The following EYS variants were observed in gnomAD, a reference collection of about 807,000 sequenced individuals.
The protein encoded by EYS is EGF-like photoreceptor maintenance factor.
EYS carries 250 observed loss-of-function variants against 282.1 expected under a neutral mutation model. The observed-to-expected ratio is 0.89, with a 90% CI of 0.80 to 0.98. The LOEUF (loss-of-function observed/expected upper bound fraction) is 0.98. Among genes scored for constraint, EYS ranks in the 50% least tolerant of loss-of-function variants. The pLI is 0.00. For synonymous variants in EYS, 1,355 were observed against 1,282.9 expected (o/e 1.06, Z -1.20); for missense variants, 4,016 against 3,709.0 (o/e 1.08, Z -2.15).
intron 26 of EYS, among the ~76,000 whole-genome samples, chr6:64,498,276 G>C (rs10494883): frequency 0.3 from 45,348 of 151,652 alleles, 6,771 homozygotes; most frequent in East Asian, 0.47. Flanking sequence ...GATGAGAACA[G>C]GGAAGTACAG....
intron 15 of EYS, among the ~76,000 whole-genome samples, chr6:64,924,529 T>A (rs1480785231): frequency 6.6e-6 from 1 of 151,958 alleles, no homozygotes; most frequent in African/African-American, 2.4e-5. Flanking sequence ...AGAAAAAGGG[T>A]TTTTTCTTTT....
intron 22 of EYS, among the ~76,000 whole-genome samples, chr6:64,732,352 A>G (rs976188340): frequency 2.6e-5 from 4 of 152,114 alleles, no homozygotes; most frequent in Admixed American, 2.6e-4. Context: ...TGGATTGCAG[A>G]GAAAACTGTA....
At chr6:63,833,300 T>C (rs927484374) in intron 36 of EYS, among the ~76,000 whole-genome samples, 2 of 152,156 alleles carry the variant, frequency 1.3e-5, no homozygotes, top group Admixed American at 6.5e-5. Context: ...GATGACATGA[T>C]TGTATATTTA....
intron 31 of EYS, among the ~76,000 whole-genome samples, chr6:64,153,043 C>G (rs1774792940): frequency 1.3e-5 from 2 of 152,130 alleles, no homozygotes; most frequent in South Asian, 4.1e-4. Flanking sequence ...ATAATATACT[C>G]TAAGTGTATA....
intron 26 of EYS, among the ~76,000 whole-genome samples, chr6:64,563,766 G>C (rs964752848): frequency 6.6e-6 from 1 of 151,916 alleles, no homozygotes; most frequent in Non-Finnish European, 1.5e-5. Flanking sequence ...ACAGTCACAA[G>C]TAATGTCAAA....
chr6:65,384,104 T>TATATAA (rs1303706127), intron 8 of EYS, among the ~76,000 whole-genome samples: 1 of 151,908 alleles, frequency 6.6e-6, no homozygotes, highest in Non-Finnish European at 1.5e-5. Flanking sequence ...AAAGTATTAG[T>TATATAA]AACTGGGGTT....
intron 12 of EYS, among the ~76,000 whole-genome samples, chr6:65,060,753 TATGTGTATATAC>T (rs1367186876): frequency 6.3e-4 from 92 of 146,954 alleles, no homozygotes; most frequent in Non-Finnish European, 1.1e-3. Flanking sequence ...CATATATATA[TATGTGTATATAC>T]ATGTGTATAT....
intron 31 of EYS, among the ~76,000 whole-genome samples, chr6:64,103,274 G>C (rs1318435483): frequency 6.6e-6 from 1 of 152,074 alleles, no homozygotes; most frequent in Non-Finnish European, 1.5e-5. Context: ...GAATACTATT[G>C]TTAAAATGCC....
chr6:63,737,347 A>C (rs908013196), intron 41 of EYS, among the ~76,000 whole-genome samples: 3 of 152,006 alleles, frequency 2.0e-5, no homozygotes, highest in Non-Finnish European at 4.4e-5. Context: ...TGAGATAATC[A>C]TGTGGTTTTT....
chr6:65,263,207 G>A (rs1404362377), intron 12 of EYS, among the ~76,000 whole-genome samples: 6 of 151,994 alleles, frequency 3.9e-5, no homozygotes, highest in Non-Finnish European at 8.8e-5. Context: ...TGGTCATGGT[G>A]GGGTGCACTT....
chr6:65,254,224 A>G (rs1021072514), intron 12 of EYS, among the ~76,000 whole-genome samples: 1 of 151,846 alleles, frequency 6.6e-6, no homozygotes, highest in African/African-American at 2.4e-5. Context: ...ACCCTGATGT[A>G]TATACAGACC....
At chr6:64,380,117 T>C (rs1354578035) in intron 29 of EYS, among the ~76,000 whole-genome samples, 2 of 151,842 alleles carry the variant, frequency 1.3e-5, no homozygotes, top group Admixed American at 6.6e-5. Context: ...ACTTCAATTT[T>C]TTTTTTATTC....
At chr6:64,297,997 AAAT>A (rs1357966662) in intron 30 of EYS, among the ~76,000 whole-genome samples, 4 of 150,280 alleles carry the variant, frequency 2.7e-5, no homozygotes, top group African/African-American at 1.0e-4. Context: ...AAAAAAAAAA[AAAT>A]TAGGTAGAAA....
Position 63,722,743 on chromosome 6 carries a change from G to T in EYS, c.8234-946C>A, listed in dbSNP as rs558759794. ...TACACTACTTCTTCCTCCCTCCAGA[G>T]TGCCTATTTCCACACCTCCCTCCTG... On this transcript the variant is annotated intron_variant, in intron 42 of 42. Transcript: ENST00000503581. 9.9e-5 allele frequency among the ~76,000 whole-genome samples: 15 copies of T among 152,224 alleles called. No individual in the cohort carries two copies. In the South Asian group the frequency reaches 3.1e-3, roughly 32 times the overall value.
At position 65,289,804 on chromosome 6, in the gene EYS, C is replaced by A. The variant is rs1178038656; in HGVS notation, c.2023+6059G>T. 2.0e-5 allele frequency among the ~76,000 whole-genome samples: 3 copies of A among 150,908 alleles called. No individual in the cohort carries two copies. The East Asian group carries it at 5.8e-4, about 29-fold the overall frequency. ...CTTGGTAGGTGCTAGAAATTCTCTACAATTGGAAGAACAATAAGAAATAAT... is the reference window on the plus strand; with the variant it reads ...CTTGGTAGGTGCTAGAAATTCTCTAAAATTGGAAGAACAATAAGAAATAAT... On this transcript the variant is annotated intron_variant, in intron 12 of 42. Coordinates refer to ENST00000503581, the MANE Select transcript of EYS (RefSeq NM_001142800.2).
rs961791813 is a variant in EYS at position 65,688,388 on chromosome 6, A to G, written c.-448+18747T>C. On this transcript the variant is annotated intron_variant, in intron 1 of 42. Transcript: ENST00000503581. ...GAAAACTGGCTGGCCATATGTAGAA[A>G]GCTGAAACTGGATCCCTTCCTTACA... is the stretch of plus-strand genomic sequence containing the variant. Among the ~76,000 whole-genome samples, 3 of 152,212 alleles carry G rather than the reference A, an allele frequency of 2.0e-5. No individual in the cohort carries two copies. The East Asian group carries it at 5.8e-4, about 29-fold the overall frequency.
intron 5 of EYS, among the ~76,000 whole-genome samples, chr6:65,471,331 G>T (rs1765209155): frequency 6.6e-6 from 1 of 151,716 alleles, no homozygotes; most frequent in Admixed American, 6.6e-5. Flanking sequence ...AGGAGGTTGA[G>T]GCTGCTGTGG....
intron 1 of EYS, among the ~76,000 whole-genome samples, chr6:65,648,981 C>T (rs1767555759): frequency 6.6e-6 from 1 of 151,598 alleles, no homozygotes; most frequent in South Asian, 2.1e-4. Context: ...CCCATCTCTA[C>T]TAAAAATACA....
At chr6:63,875,532 T>A (rs1221314903) in intron 35 of EYS, among the ~76,000 whole-genome samples, 2 of 152,106 alleles carry the variant, frequency 1.3e-5, no homozygotes, top group Non-Finnish European at 2.9e-5. Flanking sequence ...ATTGGAGTAA[T>A]TTCCGAAGGA....
Sources: allele counts gnomAD v4.1 joint callset (sites outside exome capture counted in the v4.1 genomes callset), GRCh38; gene constraint gnomAD v4.1.1; transcripts MANE v1.5; gene names NCBI Gene and HGNC (gene_info 2026-07-23, HGNC 2026-07-21).